Variants in MAGI1 observed in about 807,000 individuals in gnomAD.
MAGI1 encodes the protein membrane-associated guanylate kinase, WW and PDZ domain-containing protein 1.
MAGI1 carries 58 observed loss-of-function variants against 139.9 expected under a neutral mutation model. The observed-to-expected ratio is 0.41, with a 90% CI of 0.34 to 0.52. MAGI1 has a LOEUF of 0.52. Among genes scored for constraint, MAGI1 ranks in the 20% least tolerant of loss-of-function variants. MAGI1 has a pLI of 0.12. For missense variants in MAGI1, 1,874 were observed against 1,901.6 expected (o/e 0.99, Z 0.27); for synonymous variants, 812 against 737.9 (o/e 1.10, Z -1.63).
chr3:65,542,401 C>T (rs1381125267), intron 2 of MAGI1, among the ~76,000 whole-genome samples: 8 of 152,160 alleles, frequency 5.3e-5, no homozygotes, highest in Non-Finnish European at 1.0e-4. Context: ...ACTTTCTTCA[C>T]AGAATTAGAA....
At chr3:66,013,891 T>C (rs1038808357) in intron 1 of MAGI1, among the ~76,000 whole-genome samples, 5 of 152,188 alleles carry the variant, frequency 3.3e-5, no homozygotes, top group Non-Finnish European at 7.3e-5. Context: ...TGAAGACTTA[T>C]TTAAGTAAAA....
At chr3:65,373,348 T>C (rs1559504257) in intron 18 of MAGI1, among the ~76,000 whole-genome samples, 1 of 152,200 alleles carries the variant, frequency 6.6e-6, no homozygotes, top group African/African-American at 2.4e-5. Flanking sequence ...TGTCATCTTA[T>C]GTGGGTATGG....
At position 65,354,296 on chromosome 3, in the gene MAGI1, C is replaced by G. The variant is rs1475353209; in HGVS notation, c.*2082G>C. On this transcript the variant is annotated 3_prime_UTR_variant, in exon 23 of 23. Transcript: ENST00000402939. ...AAAAATAGCATTCACAGACTTTTCC[C>G]TCCTTTTTAGCTACAGAATGTATAT... 6.6e-6 allele frequency: 1 copy of G among 152,624 alleles called. No homozygotes were observed. The highest frequency in any genetic ancestry group is 1.5e-5 in the Non-Finnish European group (1 of 68,044). 9.5% of individuals were successfully genotyped at this position (152,624 alleles called of 1,614,324 possible).
At chr3:65,857,873 A>AG (rs921487058) in intron 1 of MAGI1, among the ~76,000 whole-genome samples, 4 of 152,092 alleles carry the variant, frequency 2.6e-5, no homozygotes, top group African/African-American at 4.8e-5. Context: ...GAAGGCAAGA[A>AG]GGGGGGGAAC....
At chr3:65,912,340 G>C (rs930055542) in intron 1 of MAGI1, among the ~76,000 whole-genome samples, 1 of 152,086 alleles carries the variant, frequency 6.6e-6, no homozygotes, top group Admixed American at 6.6e-5. Flanking sequence ...GTCAGGGGCT[G>C]GGGAGACTTG....
At chr3:65,382,466 T>G (rs1197811899) in intron 15 of MAGI1, among the ~76,000 whole-genome samples, 10 of 152,196 alleles carry the variant, frequency 6.6e-5, no homozygotes, top group Admixed American at 6.5e-4. Context: ...TGCCTAGGAA[T>G]AGGGAATCTG....
intron 18 of MAGI1, among the ~76,000 whole-genome samples, chr3:65,372,769 T>C (rs977483336): frequency 2.0e-5 from 3 of 152,274 alleles, no homozygotes; most frequent in Non-Finnish European, 4.4e-5. Context: ...CTTATACTTT[T>C]ATGTTACGGA....
At chr3:65,892,423 A>T (rs2060809378) in intron 1 of MAGI1, among the ~76,000 whole-genome samples, 2 of 152,216 alleles carry the variant, frequency 1.3e-5, no homozygotes, top group Admixed American at 6.5e-5. Context: ...GTTTAAGATA[A>T]TAATAGCAGA....
chr3:65,643,229 G>C (rs1231681196), intron 1 of MAGI1, among the ~76,000 whole-genome samples: 1 of 151,966 alleles, frequency 6.6e-6, no homozygotes, highest in African/African-American at 2.4e-5. Flanking sequence ...TAGAAGAGCT[G>C]GAAATAAAAG....
intron 1 of MAGI1, among the ~76,000 whole-genome samples, chr3:66,007,042 C>T (rs944016764): frequency 6.6e-6 from 1 of 151,976 alleles, no homozygotes; most frequent in African/African-American, 2.4e-5. Context: ...AGTCCCACTT[C>T]GTTGCCTAGG....
At chr3:65,869,038 C>T (rs1037318391) in intron 1 of MAGI1, among the ~76,000 whole-genome samples, 19 of 151,922 alleles carry the variant, frequency 1.3e-4, no homozygotes, top group African/African-American at 4.3e-4. Flanking sequence ...GAGGCCGAGG[C>T]GGGCGGATCA....
intron 5 of MAGI1, among the ~76,000 whole-genome samples, chr3:65,465,389 G>C (rs1950104134): frequency 6.7e-6 from 1 of 149,756 alleles, no homozygotes; most frequent in Admixed American, 6.7e-5. Flanking sequence ...TTTTTGTTTA[G>C]AGAACATCCA....
At chr3:65,644,559 A>T (rs2085157512) in intron 1 of MAGI1, among the ~76,000 whole-genome samples, 1 of 152,074 alleles carries the variant, frequency 6.6e-6, no homozygotes, top group Non-Finnish European at 1.5e-5. Context: ...GCCCTGTTTC[A>T]AAGAAAAGAA....
At position 65,675,514 on chromosome 3, in the gene MAGI1, G is replaced by A. The variant is rs2087132218; in HGVS notation, c.314-53426C>T. ...TTAGAGAACTTGTGAAGAATACACA[G>A]AGAAAAACTCACATGAATTCACAAA... On this transcript the variant is annotated intron_variant, in intron 1 of 22. Transcript: ENST00000402939. 1.3e-5 allele frequency among the ~76,000 whole-genome samples: 2 copies of A among 152,110 alleles called. 1 individual carries two copies. Among genetic ancestry groups the A allele is most frequent in the South Asian group, 4.1e-4 (2 of 4,828 alleles).
intron 1 of MAGI1, among the ~76,000 whole-genome samples, chr3:66,004,963 G>C (rs971712298): frequency 2.0e-5 from 3 of 152,150 alleles, no homozygotes; most frequent in Admixed American, 2.0e-4. Context: ...TACCTTTGCT[G>C]TTTTATTGCA....
chr3:66,034,643 C>G (rs1373406623), intron 1 of MAGI1, among the ~76,000 whole-genome samples: 1 of 152,078 alleles, frequency 6.6e-6, no homozygotes, highest in African/African-American at 2.4e-5. Context: ...TTAATAACAG[C>G]TTTATTCGTA....
chr3:65,423,472 C>T (rs576949251), intron 12 of MAGI1, among the ~76,000 whole-genome samples: 16 of 152,234 alleles, frequency 1.1e-4, no homozygotes, highest in Non-Finnish European at 2.1e-4. Flanking sequence ...GGATCAATGA[C>T]GATTTAATGA....
At chr3:65,506,818 C>T (rs971394201) in intron 2 of MAGI1, among the ~76,000 whole-genome samples, 5 of 151,852 alleles carry the variant, frequency 3.3e-5, no homozygotes, top group Non-Finnish European at 5.9e-5. Context: ...AGATATAAAA[C>T]GAGAAATAAA....
At chr3:65,390,822 T>C (rs1387453363) in intron 14 of MAGI1, among the ~76,000 whole-genome samples, 1 of 152,206 alleles carries the variant, frequency 6.6e-6, no homozygotes, top group Non-Finnish European at 1.5e-5. Context: ...TCAGAGCACA[T>C]CACAATCTCC....
Sources: gnomAD v4.1 joint callset for allele counts (sites outside exome capture counted in the v4.1 genomes callset) on GRCh38, gnomAD v4.1.1 for gene constraint, MANE v1.5 for transcripts, NCBI Gene and HGNC (gene_info 2026-07-23, HGNC 2026-07-21) for gene names.